The following ABCA4 variants were observed in gnomAD, a reference collection of about 807,000 sequenced individuals.
ABCA4 encodes ATP binding cassette subfamily A member 4.
Under a neutral mutation model 263.7 loss-of-function variants are expected in ABCA4, and 196 were observed. The ratio of observed to expected loss-of-function variants is 0.74; its 90% CI spans 0.66 to 0.84. The LOEUF (loss-of-function observed/expected upper bound fraction) is 0.84. ABCA4 is among the 40% of genes least tolerant of loss of function. The pLI, the probability that ABCA4 is intolerant of heterozygous loss-of-function variation, is 0.00. For synonymous variants in ABCA4, 1,133 were observed against 1,094.2 expected (o/e 1.04, Z -0.70); for missense variants, 2,792 against 2,855.1 (o/e 0.98, Z 0.50).
chr1:94,112,092 T>A (rs932716188), intron 2 of ABCA4, among the ~76,000 whole-genome samples: 3 of 152,178 alleles, frequency 2.0e-5, no homozygotes, highest in African/African-American at 7.2e-5. Context: ...AAGGTGAAGA[T>A]CAAGAATAGA....
chr1:94,033,649 T>C (rs1660267970), intron 26 of ABCA4, among the ~76,000 whole-genome samples: 1 of 152,126 alleles, frequency 6.6e-6, no homozygotes, highest in East Asian at 1.9e-4. Flanking sequence ...TTAACCCTCC[T>C]CAAGTCCCCC....
At chr1:94,056,949 T>A in intron 14 of ABCA4, 127 bp from the exon 15 acceptor site, 2 of 795,198 alleles carry the variant, frequency 2.5e-6, no homozygotes, top group East Asian at 5.3e-5. Flanking sequence ...CTCCATGTGC[T>A]GAGTTCCTTT....
chr1:94,007,655 T>A lies in ABCA4; in HGVS notation c.5984A>T (p.Asp1995Val), dbSNP rs141489669. ...LTGDTTVTSG[D>V]ATVAGKSILT... ...TCACCTCTTGCCTGCTACGGTGGCATCCCCTGAGGTCACTGTGGTGTCCCC... is the reference window on the plus strand; with the variant it reads ...TCACCTCTTGCCTGCTACGGTGGCAACCCCTGAGGTCACTGTGGTGTCCCC... The change falls in exon 43 of 50, where the codon GAT becomes GTT. Residue 1995 changes from aspartate to valine, a missense_variant. Physicochemically the swap from Asp to Val is radical, Grantham distance 152 (BLOSUM62 -3). Coordinates refer to ENST00000370225, the MANE Select transcript of ABCA4 (RefSeq NM_000350.3). 60 of 1,613,898 alleles carry A rather than the reference T, an allele frequency of 3.7e-5. No individual in the cohort carries two copies. The African/African-American group carries it at 7.5e-4, about 20-fold the overall frequency.
At chr1:94,117,484 A>G (rs1279778403) in intron 1 of ABCA4, among the ~76,000 whole-genome samples, 1 of 149,576 alleles carries the variant, frequency 6.7e-6, no homozygotes, top group Non-Finnish European at 1.5e-5. Context: ...GCCCCCCCAC[A>G]GATATCCATC....
chr1:94,047,194 G>A, intron 18 of ABCA4, 101 bp from the exon 19 acceptor site: 1 of 1,314,028 alleles, frequency 7.6e-7, no homozygotes, highest in Non-Finnish European at 1.1e-6. Context: ...AACGTCACCT[G>A]CCCCTGTGGC....
chr1:94,000,943 AGAG>A lies in ABCA4; in HGVS notation c.6387-18_6387-16del, dbSNP rs2100993780. On this transcript the variant is annotated splice_polypyrimidine_tract_variant and intron_variant, in intron 46 of 49. Transcript: ENST00000370225. ...ATTCTTCCATGCTGTGGGGCAGGAG[AGAG>A]GAGGTGAGCAGGAGAGGATTCCCAC... is the stretch of plus-strand genomic sequence containing the variant. The A allele has an allele frequency of 6.2e-7, 1 of 1,614,080 alleles. No homozygotes were observed. Among genetic ancestry groups the A allele is most frequent in the Non-Finnish European group, 8.5e-7 (1 of 1,179,994 alleles).
rs1660763115 is a variant in ABCA4 at position 94,048,931 on chromosome 1, G to A, written c.2680C>T (p.Leu894=). Residue 894 remains leucine, a synonymous_variant, in exon 18 of 50, where the codon CTG becomes TTG. Transcript: ENST00000370225. ...TCTGTTAGGGGCTCGGTCTTTTCCA[G>A]GGCTCTTTCTTCTCTGGTTGAACAC... is the stretch of plus-strand genomic sequence containing the variant. ...EGCSTREERA[L]EKTEPLTEET... is the part of the protein sequence containing the mutation. 1.2e-6 allele frequency: 2 copies of A among 1,614,054 alleles called. No homozygotes were observed. Among genetic ancestry groups the A allele is most frequent in the Non-Finnish European group, 8.5e-7 (1 of 1,180,030 alleles).
chr1:94,076,828 T>C (rs1661548525), intron 11 of ABCA4, among the ~76,000 whole-genome samples: 1 of 152,142 alleles, frequency 6.6e-6, no homozygotes, highest in Admixed American at 6.5e-5. Flanking sequence ...AGGCCTCTAG[T>C]CCTCAGAGAG....
At chr1:94,045,584 G>A (rs1464769806) in intron 19 of ABCA4, 3 of 373,186 alleles carry the variant, frequency 8.0e-6, no homozygotes, top group African/African-American at 6.3e-5. Context: ...CAGTTAGCAT[G>A]GAGAGAAAGC....
chr1:94,008,196 G>A (rs1327900793), intron 42 of ABCA4, 39 bp downstream of exon 42: 2 of 1,598,828 alleles, frequency 1.3e-6, no homozygotes, highest in Non-Finnish European at 1.7e-6. Context: ...AAGAGCTGAT[G>A]TTCGGAAGCC....
At chr1:94,088,566 G>A (rs539459369) in intron 6 of ABCA4, among the ~76,000 whole-genome samples, 2 of 152,310 alleles carry the variant, frequency 1.3e-5, no homozygotes, top group East Asian at 3.9e-4. Flanking sequence ...CAACTTCTGT[G>A]CCTGTGTGCC....
At chr1:94,109,134 A>C (rs1439016953) in intron 3 of ABCA4, among the ~76,000 whole-genome samples, 3 of 152,170 alleles carry the variant, frequency 2.0e-5, no homozygotes, top group African/African-American at 7.2e-5. Flanking sequence ...GTATCCTTAC[A>C]ATACTGCCAA....
rs1354737408 is a variant in ABCA4 at position 94,023,394 on chromosome 1, A to G, written c.4659T>C (p.Asn1553=). 4 of 1,608,744 alleles carry G rather than the reference A, an allele frequency of 2.5e-6. No individual in the cohort carries two copies. Among genetic ancestry groups the G allele is most frequent in the African/African-American group, 2.7e-5 (2 of 74,816 alleles). Residue 1553 remains asparagine (N), a synonymous_variant, in exon 32 of 50, where the codon AAT becomes AAC. Coordinates refer to ENST00000370225, the MANE Select transcript of ABCA4 (RefSeq NM_000350.3). ...RSSLKSKFWV[N]EQRYGGISIG... ...TAAAAATAGTTTCTTACCTCTGTTC[A>G]TTGACCCAGAATTTGCTCTTTAAGC... is the stretch of plus-strand genomic sequence containing the variant.
At chr1:94,089,699 T>C (rs1416003377) in intron 6 of ABCA4, among the ~76,000 whole-genome samples, 1 of 152,084 alleles carries the variant, frequency 6.6e-6, no homozygotes, top group African/African-American at 2.4e-5. Context: ...GGACCTCAAG[T>C]GATGCGTCTG....
chr1:94,061,082 TTGA>T (rs1275472022), intron 13 of ABCA4, among the ~76,000 whole-genome samples: 1 of 152,170 alleles, frequency 6.6e-6, no homozygotes, highest in Non-Finnish European at 1.5e-5. Flanking sequence ...AACTGCAGAC[TTGA>T]TGATGTGGAT....
At chr1:94,078,556 T>TCCCCCCCCCCC in intron 10 of ABCA4, 34 bp downstream of exon 10, 1 of 561,686 alleles carries the variant, frequency 1.8e-6, no homozygotes, top group South Asian at 1.6e-5. Flanking sequence ...CGCTTCCTCC[T>TCCCCCCCCCCC]CCCCTCCCCT....
chr1:94,014,203 AG>A (rs67492609), intron 38 of ABCA4, among the ~76,000 whole-genome samples: 1,405 of 126,404 alleles, frequency 0.011, 25 homozygotes, highest in African/African-American at 0.036. Context: ...GAAAGAAGGA[AG>A]GATGGAGGGA....
In ABCA4 at chr1:94,017,957, CT is replaced by C. The variant is rs766638190; in HGVS notation, c.5196+1624del. On this transcript the variant is annotated intron_variant, in intron 36 of 49. Coordinates refer to ENST00000370225, the MANE Select transcript of ABCA4 (RefSeq NM_000350.3). ...AATAATTGTTTGTTCCTTCATTCAACTTTTTTTTTGCCACTGGCTAATGGTG... is the reference window on the plus strand; with the variant it reads ...AATAATTGTTTGTTCCTTCATTCAACTTTTTTTTGCCACTGGCTAATGGTG... Among the ~76,000 whole-genome samples the C allele has an allele frequency of 1.4e-4, 21 of 151,744 alleles. 1 individual carries two copies. The highest frequency in any genetic ancestry group is 7.7e-4 in the East Asian group (4 of 5,170).
intron 16 of ABCA4, among the ~76,000 whole-genome samples, chr1:94,053,909 G>C (rs1030315356): frequency 6.6e-6 from 1 of 152,202 alleles, no homozygotes; most frequent in African/African-American, 2.4e-5. Context: ...GCCAACAAAG[G>C]CTGCCCTGAG....
Sources: gnomAD v4.1 joint callset for allele counts (sites outside exome capture counted in the v4.1 genomes callset) on GRCh38, gnomAD v4.1.1 for gene constraint, MANE v1.5 for transcripts, NCBI Gene and HGNC (gene_info 2026-07-23, HGNC 2026-07-21) for gene names.